The following CCDC7 variants were observed in gnomAD, a reference collection of about 807,000 sequenced individuals.
CCDC7 encodes coiled-coil domain-containing protein 7.
A neutral mutation model predicts 196.9 loss-of-function variants in CCDC7; 183 were observed. The ratio of observed to expected loss-of-function variants is 0.93; its 90% confidence interval spans 0.82 to 1.05. CCDC7 has a LOEUF of 1.05. Ranked by LOEUF, CCDC7 falls within the 50% of genes least tolerant of loss-of-function variation. The probability of loss-of-function intolerance (pLI) is 0.00; values close to 1 mark genes in which losing one functional copy is unlikely to be tolerated. For missense variants in CCDC7, 1,540 were observed against 1,482.2 expected (o/e 1.04, Z -0.64); for synonymous variants, 525 against 484.6 (o/e 1.08, Z -1.10).
chr10:32,769,010 G>A (rs1458360307), intron 28 of CCDC7, among the ~76,000 whole-genome samples: 1 of 152,004 alleles, frequency 6.6e-6, no homozygotes, highest in East Asian at 1.9e-4. Context: ...TGGTAACAGG[G>A]TGGCTTCGTA....
intron 9 of CCDC7, among the ~76,000 whole-genome samples, chr10:32,492,260 T>C (rs548102415): frequency 6.6e-6 from 1 of 152,220 alleles, no homozygotes; most frequent in South Asian, 2.1e-4. Context: ...GTAAAATATG[T>C]GCTATGGGAA....
intron 16 of CCDC7, among the ~76,000 whole-genome samples, chr10:32,579,906 G>C (rs562684395): frequency 4.6e-5 from 7 of 152,096 alleles, no homozygotes; most frequent in African/African-American, 1.7e-4. Flanking sequence ...CAAACTCTCT[G>C]TTTTTCAAAA....
chr10:32,472,577 T>A lies in CCDC7; in HGVS notation c.739+35T>A, dbSNP rs1474016859. 6 of 1,460,462 alleles carry A rather than the reference T, an allele frequency of 4.1e-6. No individual in the cohort carries two copies. The Admixed American group carries it at 7.3e-5, about 18-fold the overall frequency. 90.5% of individuals were successfully genotyped at this position (1,460,462 alleles called of 1,614,324 possible). The stretch of plus-strand genomic sequence containing the variant: ...TTTTATATATGTTTATCCTTAAAAA[T>A]TTTATTAAAAATTTTGTTATTATTT... On this transcript the variant is annotated intron_variant, in intron 7 of 41. Coordinates refer to ENST00000639629, the Ensembl canonical transcript of CCDC7.
intron 13 of CCDC7, among the ~76,000 whole-genome samples, chr10:32,557,195 T>C (rs565240393): frequency 1.3e-5 from 2 of 152,230 alleles, no homozygotes; most frequent in African/African-American, 4.8e-5. Flanking sequence ...CTTTCATTTT[T>C]TTCTGCTGAG....
At chr10:32,664,757 G>A (rs555739365) in intron 21 of CCDC7, among the ~76,000 whole-genome samples, 5 of 152,114 alleles carry the variant, frequency 3.3e-5, no homozygotes, top group African/African-American at 1.2e-4. Flanking sequence ...GTTATTGTGA[G>A]TAATGTTACA....
intron 21 of CCDC7, among the ~76,000 whole-genome samples, chr10:32,679,480 G>A (rs1310508675): frequency 2.6e-5 from 4 of 152,150 alleles, no homozygotes; most frequent in Admixed American, 6.5e-5. Context: ...CCCCATAGTT[G>A]GATGGCATTA....
chr10:32,563,800 G>A (rs1266474098), intron 13 of CCDC7, among the ~76,000 whole-genome samples: 1 of 152,004 alleles, frequency 6.6e-6, no homozygotes, highest in Non-Finnish European at 1.5e-5. Context: ...ATTGACAAAT[G>A]GGATCTAATT....
chr10:32,810,352 G>A (rs1565571835), intron 30 of CCDC7, among the ~76,000 whole-genome samples: 1 of 152,016 alleles, frequency 6.6e-6, no homozygotes, highest in Non-Finnish European at 1.5e-5. Context: ...GAAAACAAAA[G>A]TGAGCAGGAG....
chr10:32,461,006 C>T (rs2035512897), intron 3 of CCDC7, among the ~76,000 whole-genome samples: 1 of 152,062 alleles, frequency 6.6e-6, no homozygotes, highest in African/African-American at 2.4e-5. Flanking sequence ...TCTTATGTTA[C>T]TCCCTGAATG....
chr10:32,804,378 C>T (rs1028153164), intron 29 of CCDC7, among the ~76,000 whole-genome samples: 2 of 152,116 alleles, frequency 1.3e-5, no homozygotes, highest in African/African-American at 4.8e-5. Flanking sequence ...TAATCATATC[C>T]TAAGCTACGA....
rs2052178517 is a variant in CCDC7, at chr10:32,545,019, G to GC, written c.1134+723dup. ...AAGTACAATAGGAAAAAAACCAAAA[G>GC]CCCCCATAAATTAGAGTGGCTAGAC... On this transcript the variant is annotated intron_variant, in intron 13 of 41. Transcript: ENST00000639629. Among the ~76,000 whole-genome samples the GC allele has an allele frequency of 3.9e-5, 6 of 152,060 alleles. No individual in the cohort carries two copies. In the South Asian group the frequency reaches 1.2e-3, roughly 32 times the overall value.
intron 14 of CCDC7, 75 bp downstream of exon 15, chr10:32,565,695 AT>A (rs2056672741): frequency 1.3e-6 from 2 of 1,504,632 alleles, no homozygotes; most frequent in Non-Finnish European, 1.8e-6. Context: ...CAAATGAATA[AT>A]TTTTACTTTG....
Position 32,829,678 on chromosome 10 carries a change from G to A in CCDC7, c.3268+5074G>A, listed in dbSNP as rs375180563. ...ATGTATGATCTCAGGAGATGTGTACGGGTTCAAATTGACAAGGGATGGACT... is the reference window on the plus strand; with the variant it reads ...ATGTATGATCTCAGGAGATGTGTACAGGTTCAAATTGACAAGGGATGGACT... On this transcript the variant is annotated intron_variant, in intron 32 of 41. Transcript: ENST00000639629. Among the ~76,000 whole-genome samples the A allele has an allele frequency of 2.1e-4, 32 of 152,096 alleles. 1 individual carries two copies. In the East Asian group the frequency reaches 3.9e-3, roughly 18 times the overall value.
At chr10:32,755,786 C>A (rs913449008) in intron 28 of CCDC7, among the ~76,000 whole-genome samples, 1 of 151,960 alleles carries the variant, frequency 6.6e-6, no homozygotes, top group African/African-American at 2.4e-5. Context: ...AGGCTTCAGA[C>A]GATCAGTAAT....
At chr10:32,536,351 C>T (rs565156219) in intron 11 of CCDC7, among the ~76,000 whole-genome samples, 1 of 152,228 alleles carries the variant, frequency 6.6e-6, no homozygotes, top group Admixed American at 6.5e-5. Flanking sequence ...AGACCTACAC[C>T]CCATGCCTCT....
chr10:32,609,140 T>C (rs1338107396), intron 18 of CCDC7, among the ~76,000 whole-genome samples: 1 of 152,168 alleles, frequency 6.6e-6, no homozygotes, highest in Non-Finnish European at 1.5e-5. Flanking sequence ...TAAGTCTACA[T>C]TACAATTTAA....
intron 18 of CCDC7, among the ~76,000 whole-genome samples, chr10:32,587,493 A>G (rs76015553): frequency 0.053 from 8,058 of 152,234 alleles, 706 homozygotes; most frequent in African/African-American, 0.18. Flanking sequence ...TCATGAGGAC[A>G]AAGCCCTCAT....
At chr10:32,656,047 G>C (rs981005442) in intron 20 of CCDC7, among the ~76,000 whole-genome samples, 1 of 143,588 alleles carries the variant, frequency 7.0e-6, no homozygotes, top group Admixed American at 7.2e-5. Context: ...TGCAGGAACT[G>C]TTTAGTTTGA....
upstream of CCDC7, among the ~76,000 whole-genome samples, chr10:32,450,198 T>C (rs1392564480): frequency 1.3e-5 from 2 of 152,176 alleles, no homozygotes; most frequent in African/African-American, 2.4e-5. Context: ...GAATCTTTCA[T>C]TGGTTTTTAC....
Sources: gnomAD v4.1 joint callset for allele counts (sites outside exome capture counted in the v4.1 genomes callset) on GRCh38, gnomAD v4.1.1 for gene constraint, MANE v1.5 for transcripts, NCBI Gene and HGNC (gene_info 2026-07-23, HGNC 2026-07-21) for gene names.